FAT4: variants seen among roughly 807,000 people sequenced by gnomAD.
FAT4 encodes protocadherin Fat 4.
FAT4 carries 84 observed loss-of-function variants against 303.9 expected under a neutral mutation model. That is an observed-to-expected ratio of 0.28 (90% CI 0.23 to 0.33). The LOEUF (loss-of-function observed/expected upper bound fraction) is 0.33. FAT4 is among the 10% of genes least tolerant of loss of function. The pLI is 1.00. For synonymous variants in FAT4, 2,307 were observed against 2,298.8 expected (o/e 1.00, Z -0.10); for missense variants, 6,005 against 6,146.8 (o/e 0.98, Z 0.77).
intron 2 of FAT4, among the ~76,000 whole-genome samples, chr4:125,353,946 A>C (rs1468715679): frequency 6.6e-6 from 1 of 151,740 alleles, no homozygotes; most frequent in Non-Finnish European, 1.5e-5. Flanking sequence ...ATACAATAAA[A>C]AATTGTGTTT....
At chr4:125,367,135 C>A (rs1732916644) in intron 2 of FAT4, among the ~76,000 whole-genome samples, 1 of 151,912 alleles carries the variant, frequency 6.6e-6, no homozygotes, top group African/African-American at 2.4e-5. Flanking sequence ...AGAAGTTTCC[C>A]TTTTAATTTT....
rs1725905329 is a variant in FAT4, at chr4:125,448,456, T to A, written c.7451-5T>A. 8 of 1,585,234 alleles carry A rather than the reference T, an allele frequency of 5.0e-6. No homozygotes were observed. Among genetic ancestry groups the A allele is most frequent in the Non-Finnish European group, 6.0e-6 (7 of 1,167,926 alleles). ...GAGTATAACTGCACACTTTCTCTTT[T>A]ATAGGTTCCTTTGTCTTTGCGGTTA... On this transcript the variant is annotated splice_polypyrimidine_tract_variant and splice_region_variant and intron_variant, in intron 9 of 17. Coordinates refer to ENST00000394329, the MANE Select transcript of FAT4 (RefSeq NM_001291303.3).
chr4:125,374,176 CTG>C (rs1345292700), intron 2 of FAT4, among the ~76,000 whole-genome samples: 1 of 152,126 alleles, frequency 6.6e-6, no homozygotes, highest in African/African-American at 2.4e-5. Context: ...ACGTGGTGGT[CTG>C]TGAATCTTAC....
chr4:125,452,876 A>AT, intron 10 of FAT4, 66 bp downstream of exon 10: 2 of 1,486,856 alleles, frequency 1.3e-6, no homozygotes, highest in Non-Finnish European at 1.8e-6. Context: ...AAACGAAATA[A>AT]TTTTATCATT....
chr4:125,477,210 C>A lies in FAT4; in HGVS notation c.12355C>A (p.Pro4119Thr). 3 of 1,517,586 alleles carry A rather than the reference C, an allele frequency of 2.0e-6. No individual in the cohort carries two copies. The highest frequency in any genetic ancestry group is 2.7e-6 in the Non-Finnish European group (3 of 1,127,212). 94.0% of individuals were successfully genotyped at this position (1,517,586 alleles called of 1,614,324 possible). A position where few individuals can be genotyped will look rare whatever the true frequency, so the allele number is the denominator to read the frequency against. The change falls in exon 14 of 18, where the codon CCA becomes ACA. Residue 4119 changes from proline (P) to threonine (T), a missense_variant. Transcript: ENST00000394329. ...AGTTGGAGGTATCAGATCTCTAGAACCAATCCTTCAGAGAAGAGGACACGT... is the reference window on the plus strand; with the variant it reads ...AGTTGGAGGTATCAGATCTCTAGAAACAATCCTTCAGAGAAGAGGACACGT... ...VTVGGIRSLE[P>T]ILQRRGHVES... is the part of the protein sequence containing the mutation.
At chr4:125,465,396 A>G (rs1311257990) in intron 11 of FAT4, among the ~76,000 whole-genome samples, 2 of 152,182 alleles carry the variant, frequency 1.3e-5, no homozygotes, top group African/African-American at 4.8e-5. Flanking sequence ...ACCACAGTCA[A>G]ATTTCATGGT....
In FAT4 at chr4:125,450,810, A is replaced by G. The variant is rs773545119; in HGVS notation, c.9800A>G (p.His3267Arg). Residue 3267 changes from histidine to arginine, a missense_variant, in exon 10 of 18, where the codon CAT becomes CGT. His to Arg is a conservative substitution (Grantham distance 29, BLOSUM62 0). Coordinates refer to ENST00000394329, the MANE Select transcript of FAT4 (RefSeq NM_001291303.3). ...GATTTTGAAACCAAGCAGAGCTACC[A>G]TCTTACTGTGAAAGCCTTCAATGTC... ...FLDFETKQSYHLTVKAFNVPD... is the reference protein window; with the variant it reads ...FLDFETKQSYRLTVKAFNVPD... 2.2e-5 allele frequency: 35 copies of G among 1,614,016 alleles called. No individual in the cohort carries two copies. The highest frequency in any genetic ancestry group is 2.7e-5 in the Non-Finnish European group (32 of 1,180,016).
At chr4:125,421,738 A>C (rs1724902457) in intron 7 of FAT4, among the ~76,000 whole-genome samples, 1 of 152,104 alleles carries the variant, frequency 6.6e-6, no homozygotes, top group Non-Finnish European at 1.5e-5. Context: ...GGTTTCTTGG[A>C]GATGAGCCAG....
chr4:125,325,764 T>C (rs965292092), intron 2 of FAT4, among the ~76,000 whole-genome samples: 1 of 152,210 alleles, frequency 6.6e-6, no homozygotes, highest in African/African-American at 2.4e-5. Flanking sequence ...ATAGTTTTGT[T>C]TGTTTGTTTG....
At chr4:125,419,867 C>T (rs952764663) in intron 7 of FAT4, among the ~76,000 whole-genome samples, 3 of 152,208 alleles carry the variant, frequency 2.0e-5, no homozygotes, top group Admixed American at 6.5e-5. Context: ...TGGCCTGTTT[C>T]TTGAAAGCAG....
intron 3 of FAT4, among the ~76,000 whole-genome samples, chr4:125,404,155 C>T (rs762732507): frequency 7.2e-5 from 11 of 152,062 alleles, no homozygotes; most frequent in African/African-American, 1.2e-4. Context: ...CCTGAGAGTA[C>T]GTAGGAAATC....
Position 125,454,447 on chromosome 4 carries a change from C to T in FAT4, c.11800+1637C>T, listed in dbSNP as rs1401002845. Among the ~76,000 whole-genome samples the T allele has an allele frequency of 9.8e-5, 15 of 152,318 alleles. No homozygotes were observed. In the East Asian group the frequency reaches 2.9e-3, roughly 29 times the overall value. The stretch of plus-strand genomic sequence containing the variant: ...CTATAGCTTTTGGGAAGTCACCTAA[C>T]CTTAGCTGATTCTTCATTTCTCTGT... On this transcript the variant is annotated intron_variant, in intron 10 of 17. Transcript: ENST00000394329.
intron 2 of FAT4, among the ~76,000 whole-genome samples, chr4:125,366,307 T>C (rs899194362): frequency 6.6e-6 from 1 of 152,182 alleles, no homozygotes; most frequent in Non-Finnish European, 1.5e-5. Context: ...TGTGTTTATA[T>C]GTTCTCCTCA....
At chr4:125,323,466 A>G (rs1309440964) in intron 2 of FAT4, among the ~76,000 whole-genome samples, 1 of 152,170 alleles carries the variant, frequency 6.6e-6, no homozygotes, top group African/African-American at 2.4e-5. Context: ...CATATATACT[A>G]TGTTCTATTC....
At chr4:125,409,763 T>C (rs541116663) in intron 5 of FAT4, among the ~76,000 whole-genome samples, 8 of 152,308 alleles carry the variant, frequency 5.3e-5, no homozygotes, top group Admixed American at 4.6e-4. Context: ...TAAGTATACA[T>C]ATCATATAAT....
chr4:125,485,976 G>C (rs1187001500), intron 16 of FAT4, among the ~76,000 whole-genome samples: 2 of 152,160 alleles, frequency 1.3e-5, no homozygotes, highest in African/African-American at 4.8e-5. Context: ...GTTAAGTACA[G>C]TACTGCCAGG....
At chr4:125,457,618 T>G (rs1226480514) in intron 10 of FAT4, among the ~76,000 whole-genome samples, 1 of 152,014 alleles carries the variant, frequency 6.6e-6, no homozygotes, top group Non-Finnish European at 1.5e-5. Flanking sequence ...GAAAATTTTC[T>G]TATAATTTTT....
chr4:125,436,165 A>C (rs1227894242), intron 8 of FAT4, among the ~76,000 whole-genome samples: 2 of 146,996 alleles, frequency 1.4e-5, no homozygotes, highest in Non-Finnish European at 3.0e-5. Flanking sequence ...CATTGTGCAC[A>C]TGTACCCTAG....
chr4:125,406,077 A>G lies in FAT4; in HGVS notation c.5308-803A>G, dbSNP rs117452039. ...TTATGTTGCTTGTTTTGGGAGTCAT[A>G]TACATGAAATAATTGCCCAGGCTGT... is the stretch of plus-strand genomic sequence containing the variant. On this transcript the variant is annotated intron_variant, in intron 3 of 17. Transcript: ENST00000394329. Among the ~76,000 whole-genome samples the G allele has an allele frequency of 2.0e-3, 310 of 152,242 alleles. 8 individuals are homozygous for G. In the East Asian group the frequency reaches 0.048, roughly 23 times the overall value.
Sources: gnomAD v4.1 joint callset for allele counts (sites outside exome capture counted in the v4.1 genomes callset) on GRCh38, gnomAD v4.1.1 for gene constraint, MANE v1.5 for transcripts, NCBI Gene and HGNC (gene_info 2026-07-23, HGNC 2026-07-21) for gene names.